The following CWC25 variants were observed in gnomAD, a reference collection of about 807,000 sequenced individuals.
The protein encoded by CWC25 is CWC25 spliceosome associated protein, also known as pre-mRNA-splicing factor CWC25 homolog.
A neutral mutation model predicts 54.6 loss-of-function variants in CWC25; 31 were observed. That is an observed-to-expected ratio of 0.57 (90% CI 0.43 to 0.77). The LOEUF is 0.77. Among genes scored for constraint, CWC25 ranks in the 30% least tolerant of loss-of-function variants. The pLI is 0.00. For synonymous variants in CWC25, 151 were observed against 187.0 expected (o/e 0.81, Z 1.57); for missense variants, 453 against 529.3 (o/e 0.86, Z 1.41).
At position 38,808,546 on chromosome 17, in the gene CWC25, C is replaced by T. The variant is rs1167268104; in HGVS notation, c.690+1156G>A. ...CTATAATCCCAGCACTTTGGGAGGC[C>T]GAGACAGGCGGATAGCTTGAGGCCA... On this transcript the variant is annotated intron_variant, in intron 6 of 9. Transcript: ENST00000614790. Among the ~76,000 whole-genome samples, 2 of 140,616 alleles carry T rather than the reference C, an allele frequency of 1.4e-5. 1 individual carries two copies. Among genetic ancestry groups the T allele is most frequent in the African/African-American group, 5.2e-5 (2 of 38,724 alleles). 92.2% of individuals were successfully genotyped at this position (140,616 alleles called of 152,430 possible). A position where few individuals can be genotyped will look rare whatever the true frequency, so the allele number is the denominator to read the frequency against.
rs1911304011 is a variant in CWC25 at position 38,807,513 on chromosome 17, T to C, written c.691-537A>G. On this transcript the variant is annotated intron_variant, in intron 6 of 9. Transcript: ENST00000614790. ...CGCTCACACCTTGAATCCCAACACT[T>C]TGGGAGACGGAGGCAGGAGGACTGC... Among the ~76,000 whole-genome samples, 3 of 139,816 alleles carry C rather than the reference T, an allele frequency of 2.1e-5. 1 individual carries two copies. Among genetic ancestry groups the C allele is most frequent in the Admixed American group, 1.5e-4 (2 of 12,990 alleles). 91.7% of individuals were successfully genotyped at this position (139,816 alleles called of 152,430 possible).
intron 3 of CWC25, among the ~76,000 whole-genome samples, chr17:38,814,282 T>G (rs1171600135): frequency 1.3e-5 from 2 of 150,808 alleles, no homozygotes; most frequent in Non-Finnish European, 3.0e-5. Flanking sequence ...TATTTTTATT[T>G]TTTATTTTTA....
chr17:38,822,665 G>C (rs1911969802), intron 1 of CWC25, among the ~76,000 whole-genome samples: 1 of 152,100 alleles, frequency 6.6e-6, no homozygotes, highest in Non-Finnish European at 1.5e-5. Flanking sequence ...TCCAAACAGA[G>C]GGGAACAGTA....
In CWC25 at chr17:38,811,583, T is replaced by C. The variant is rs550591713; in HGVS notation, c.499-988A>G. 4.7e-5 allele frequency among the ~76,000 whole-genome samples: 7 copies of C among 149,574 alleles called. 1 individual carries two copies. The South Asian group carries it at 1.5e-3, about 32-fold the overall frequency. ...AAAAGATTACTGAGACCCCTATCAG[T>C]CTCCTTTGAGGGGCGTGGCTCATGC... On this transcript the variant is annotated intron_variant, in intron 4 of 9. Coordinates refer to ENST00000614790, the MANE Select transcript of CWC25 (RefSeq NM_017748.5).
At chr17:38,814,387 TCTC>T (rs1334830627) in intron 3 of CWC25, among the ~76,000 whole-genome samples, 1 of 150,638 alleles carries the variant, frequency 6.6e-6, no homozygotes, top group Non-Finnish European at 1.5e-5. Flanking sequence ...TTCACGCCAT[TCTC>T]CTGCCTCAGC....
At position 38,812,834 on chromosome 17, in the gene CWC25, T is replaced by C. The variant is rs1389673554; in HGVS notation, c.459A>G (p.Val153=). 6.6e-7 allele frequency: 1 copy of C among 1,526,092 alleles called. No individual in the cohort carries two copies. Among genetic ancestry groups the C allele is most frequent in the South Asian group, 1.2e-5 (1 of 83,538 alleles). 94.5% of individuals were successfully genotyped at this position (1,526,092 alleles called of 1,614,324 possible). ...TCTTCATTTTCACTGGATTATTTAA[T>C]ACCTCTCGTTTTTTCTCCTCCTCCT... ...RKKEEEKKRE[V]LNNPVKMKKI... The change falls in exon 4 of 10, where the codon GTA becomes GTG. Residue 153 remains valine (V), a synonymous_variant. Transcript: ENST00000614790.
intron 9 of CWC25, 43 bp from the exon 10 acceptor site, chr17:38,802,249 A>C: frequency 7.3e-7 from 1 of 1,361,586 alleles, no homozygotes; most frequent in Non-Finnish European, 1.0e-6. Flanking sequence ...AAACATTTTC[A>C]ATCAGTCAAC....
rs1320037733 is a variant in CWC25, at chr17:38,806,801, A to G, written c.866T>C (p.Leu289Pro). Reference protein sequence around the residue: ...AGSRDRRSRSLGRRSRSPRPS... With the variant: ...AGSRDRRSRSPGRRSRSPRPS... ...TCTTGGGGACCGTGACCTTCTGCCC[A>G]GGGATCGAGACCTCCTGTCCCGGGA... is the stretch of plus-strand genomic sequence containing the variant. The change falls in exon 7 of 10, where the codon CTG (leucine) becomes CCG (proline). Residue 289 changes from leucine to proline, a missense_variant. Leu to Pro is a moderately conservative substitution (Grantham distance 98, BLOSUM62 -3). This residue lies in a region of CWC25 where 444 missense variants were observed against 499.2 expected (regional missense o/e 0.89). Coordinates refer to ENST00000614790, the MANE Select transcript of CWC25 (RefSeq NM_017748.5). 3.1e-6 allele frequency: 5 copies of G among 1,608,848 alleles called. 1 individual carries two copies. The highest frequency in any genetic ancestry group is 4.2e-6 in the Non-Finnish European group (5 of 1,178,106).
At chr17:38,815,222 T>A in intron 2 of CWC25, 125 bp from the exon 3 acceptor site, 1 of 805,182 alleles carries the variant, frequency 1.2e-6, no homozygotes, top group South Asian at 1.7e-5. Context: ...TACTGGCACC[T>A]ACCATGCAAT....
chr17:38,809,836 T>C, intron 5 of CWC25, 71 bp from the exon 6 acceptor site: 2 of 1,384,446 alleles, frequency 1.4e-6, no homozygotes, highest in Non-Finnish European at 2.0e-6. Flanking sequence ...TATCTTATGC[T>C]GAACTATGCT....
chr17:38,810,239 G>A (rs1007948877), intron 5 of CWC25: 7 of 539,740 alleles, frequency 1.3e-5, no homozygotes, highest in African/African-American at 9.8e-5. Context: ...ATTATTAAGG[G>A]TCTCTCTCCA....
At position 38,825,229 on chromosome 17, in the gene CWC25, G is replaced by A. The variant is rs1912096705; in HGVS notation, c.-46C>T. 1.3e-6 allele frequency: 2 copies of A among 1,568,130 alleles called. No homozygotes were observed. Among genetic ancestry groups the A allele is most frequent in the Non-Finnish European group, 8.6e-7 (1 of 1,157,846 alleles). The stretch of plus-strand genomic sequence containing the variant: ...ACTACGCGGATCTGGAAGATTTCGG[G>A]AGGATCAAGAGAAAACGTAGAGAAA... On this transcript the variant is annotated 5_prime_UTR_variant, in exon 1 of 10. Transcript: ENST00000614790.
intron 2 of CWC25, among the ~76,000 whole-genome samples, chr17:38,817,137 A>G (rs1449321361): frequency 8.6e-5 from 13 of 150,550 alleles, no homozygotes; most frequent in Non-Finnish European, 1.2e-4. Context: ...TCAGGAGATC[A>G]AGACCAGCCT....
chr17:38,806,568 G>C, intron 7 of CWC25, 173 bp from the exon 8 acceptor site: 2 of 733,332 alleles, frequency 2.7e-6, no homozygotes, highest in Non-Finnish European at 4.4e-6. Context: ...CCAAAGCACA[G>C]AATACACCTA....
At position 38,820,605 on chromosome 17, in the gene CWC25, A is replaced by G. The variant is rs565610717; in HGVS notation, c.191+296T>C. 2.6e-5 allele frequency among the ~76,000 whole-genome samples: 4 copies of G among 152,324 alleles called. No homozygotes were observed. The East Asian group carries it at 7.7e-4, about 29-fold the overall frequency. On this transcript the variant is annotated intron_variant, in intron 2 of 9. Transcript: ENST00000614790. ...CCATCCTCCATCACGGTTATCAGCC[A>G]TCTACTGTGAGCTCGGCTTACAGCA... is the stretch of plus-strand genomic sequence containing the variant.
rs193274802 is a variant in CWC25, at chr17:38,807,489, G to A, written c.691-513C>T. On this transcript the variant is annotated intron_variant, in intron 6 of 9. Transcript: ENST00000614790. ...CTCCTTCGGTCAGCCAGGTGCAGTC[G>A]CTCACACCTTGAATCCCAACACTTT... Among the ~76,000 whole-genome samples the A allele has an allele frequency of 1.0e-3, 148 of 140,968 alleles. 16 individuals carry two copies. Among genetic ancestry groups the A allele is most frequent in the African/African-American group, 3.6e-3 (141 of 38,886 alleles). 92.5% of individuals were successfully genotyped at this position (140,968 alleles called of 152,430 possible). A position where few individuals can be genotyped will look rare whatever the true frequency, so the allele number is the denominator to read the frequency against.
intron 1 of CWC25, among the ~76,000 whole-genome samples, chr17:38,824,459 G>A (rs1393802752): frequency 2.6e-5 from 4 of 152,146 alleles, no homozygotes; most frequent in Non-Finnish European, 5.9e-5. Context: ...GGCCGAGGCG[G>A]GCGGATCACT....
chr17:38,819,406 C>T (rs138367693), intron 2 of CWC25, among the ~76,000 whole-genome samples: 7,766 of 149,756 alleles, frequency 0.052, 716 homozygotes, highest in African/African-American at 0.18. Context: ...CTCGCTCTGT[C>T]GCCAGGCTGG....
At chr17:38,815,690 C>CTCGA (rs1224273421) in intron 2 of CWC25, 4 of 1,282,308 alleles carry the variant, frequency 3.1e-6, no homozygotes, top group Non-Finnish European at 4.1e-6. Flanking sequence ...CTCAGAGCTT[C>CTCGA]TCGAGTCTCC....
Sources: gnomAD v4.1 joint callset for allele counts (sites outside exome capture counted in the v4.1 genomes callset) on GRCh38, gnomAD v4.1.1 for gene constraint, gnomAD v4.1.1 regional missense constraint, MANE v1.5 for transcripts, NCBI Gene and HGNC (gene_info 2026-07-23, HGNC 2026-07-21) for gene names.